The following TRPM4 variants were observed in gnomAD, a reference collection of about 807,000 sequenced individuals.
TRPM4 encodes the protein calcium-activated non-selective cation channel 1.
A neutral mutation model predicts 135.6 loss-of-function variants in TRPM4; 124 were observed. The ratio of observed to expected loss-of-function variants is 0.91; its 90% CI spans 0.79 to 1.06. The LOEUF (loss-of-function observed/expected upper bound fraction) is 1.06, where lower values mean the gene tolerates loss of function less well. TRPM4 is among the 50% of genes least tolerant of loss of function. The pLI, the probability that TRPM4 is intolerant of heterozygous loss-of-function variation, is 0.00. For synonymous variants in TRPM4, 745 were observed against 705.6 expected, an observed-to-expected ratio of 1.06 and a Z score of -0.88; for missense variants, 1,658 against 1,671.4, an observed-to-expected ratio of 0.99 and a Z score of 0.14.
intron 9 of TRPM4, among the ~76,000 whole-genome samples, chr19:49,173,310 T>C (rs1374728342): frequency 6.6e-6 from 1 of 151,752 alleles, no homozygotes; most frequent in Non-Finnish European, 1.5e-5. Flanking sequence ...TTCCATCCGC[T>C]CATTCCTCCA....
chr19:49,203,578 C>T (rs539571459), intron 20 of TRPM4, among the ~76,000 whole-genome samples: 1 of 152,292 alleles, frequency 6.6e-6, no homozygotes, highest in African/African-American at 2.4e-5. Context: ...CGTTCTATCA[C>T]CCAGAACAGA....
In TRPM4 at chr19:49,190,203, C is replaced by G. The variant is rs536657204; in HGVS notation, c.2020-5C>G. On this transcript the variant is annotated splice_region_variant and splice_polypyrimidine_tract_variant and intron_variant, in intron 14 of 24. Transcript: ENST00000252826. ...TTGGATCCTAATCCTTCCCACCCCC[C>G]ACAGTCTCTGCTGACACAGAAGTGG... The G allele has an allele frequency of 3.7e-6, 6 of 1,613,280 alleles. No homozygotes were observed. The Admixed American group carries it at 6.7e-5, about 18-fold the overall frequency.
intron 20 of TRPM4, among the ~76,000 whole-genome samples, chr19:49,204,639 C>A (rs1969075799): frequency 6.6e-6 from 1 of 152,120 alleles, no homozygotes; most frequent in South Asian, 2.1e-4. Context: ...AAGTGATCCT[C>A]CCACCTCAGC....
chr19:49,167,659 G>A (rs1287481709), intron 3 of TRPM4: 5 of 326,626 alleles, frequency 1.5e-5, no homozygotes, highest in Non-Finnish European at 1.1e-5. Context: ...CTGGGTCTCT[G>A]TCCCATGTCT....
rs999572673 is a variant in TRPM4 at position 49,157,879 on chromosome 19, G to C, written c.13G>C (p.Glu5Gln). 5.2e-6 allele frequency: 8 copies of C among 1,535,092 alleles called. No individual in the cohort carries two copies. The highest frequency in any genetic ancestry group is 6.1e-6 in the Non-Finnish European group (7 of 1,146,456). Residue 5 changes from glutamate to glutamine, a missense_variant, in exon 1 of 25, where the codon GAG (glutamate) becomes CAG (glutamine). This residue lies in a region of TRPM4 where 239 missense variants were observed against 240.1 expected (regional missense o/e 1.00). Coordinates refer to ENST00000252826, the MANE Select transcript of TRPM4 (RefSeq NM_017636.4). MVVP[E>Q]KEQSWIPKIF... ...CGGCCGCGGCAGCATGGTGGTGCCGGAGAAGGAGCAGGTGAGCGCCGGACC... is the reference window on the plus strand; with the variant it reads ...CGGCCGCGGCAGCATGGTGGTGCCGCAGAAGGAGCAGGTGAGCGCCGGACC...
rs771575551 is a variant in TRPM4 at position 49,201,949 on chromosome 19, T to A, written c.2954-15T>A. ...CTGTCCCCCTCACCCCATCTCTGAA[T>A]GTCTCTCTTCACAGTGGCCCTCATG... On this transcript the variant is annotated splice_polypyrimidine_tract_variant and intron_variant, in intron 19 of 24. Coordinates refer to ENST00000252826, the MANE Select transcript of TRPM4 (RefSeq NM_017636.4). 8 of 1,612,988 alleles carry A rather than the reference T, an allele frequency of 5.0e-6. No homozygotes were observed. Among genetic ancestry groups the A allele is most frequent in the Non-Finnish European group, 6.8e-6 (8 of 1,179,962 alleles).
At chr19:49,186,531 T>G (rs1471412364) in intron 12 of TRPM4, among the ~76,000 whole-genome samples, 1 of 152,216 alleles carries the variant, frequency 6.6e-6, no homozygotes, top group Admixed American at 6.5e-5. Flanking sequence ...CTGCCTCTAC[T>G]GTGAGTCCTT....
At chr19:49,193,838 T>G (rs1037344960) in intron 16 of TRPM4, among the ~76,000 whole-genome samples, 30 of 152,062 alleles carry the variant, frequency 2.0e-4, no homozygotes, top group African/African-American at 7.2e-4. Context: ...TAGCTTTCAC[T>G]ATTCTCCTCC....
intron 9 of TRPM4, among the ~76,000 whole-genome samples, chr19:49,178,281 C>T (rs952851374): frequency 3.3e-5 from 5 of 152,072 alleles, no homozygotes; most frequent in Admixed American, 1.3e-4. Context: ...GCTGTGATGG[C>T]GCCACTGCAC....
At chr19:49,188,915 C>G (rs779029090) in intron 13 of TRPM4, 31 bp from the exon 14 acceptor site, 2 of 1,614,004 alleles carry the variant, frequency 1.2e-6, no homozygotes, top group Non-Finnish European at 8.5e-7. Context: ...TCCTTCCCAT[C>G]CCTGTCACAT....
chr19:49,202,282 A>C, intron 20 of TRPM4, 141 bp downstream of exon 20: 15 of 959,056 alleles, frequency 1.6e-5, no homozygotes, highest in Non-Finnish European at 2.3e-5. Context: ...CCCAAACCCA[A>C]CCAGACCCTG....
In TRPM4 at chr19:49,210,654, A is replaced by C. The variant is rs1969320693; in HGVS notation, c.3329-56A>C. 2 of 1,613,318 alleles carry C rather than the reference A, an allele frequency of 1.2e-6. No individual in the cohort carries two copies. The highest frequency in any genetic ancestry group is 1.7e-5 in the Admixed American group (1 of 59,996). ...GTGTTCTGAGGGTGTCGGAAGGGGC[A>C]GCTGGGATTGGGAAGGGGCGTGGCC... On this transcript the variant is annotated intron_variant, in intron 21 of 24. Coordinates refer to ENST00000252826, the MANE Select transcript of TRPM4 (RefSeq NM_017636.4). This position sits in a 1 kb window ranked among gnomAD's most constrained non-coding sequence, Gnocchi z 4.1.
intron 16 of TRPM4, among the ~76,000 whole-genome samples, chr19:49,194,688 TCTTC>T (rs1357699960): frequency 3.3e-5 from 4 of 119,724 alleles, no homozygotes; most frequent in East Asian, 5.2e-4. Flanking sequence ...TTCCTTCTTT[TCTTC>T]CTTCCTTCCT....
chr19:49,158,899 A>G (rs1157694556), intron 2 of TRPM4: 1 of 152,000 alleles, frequency 6.6e-6, no homozygotes, highest in South Asian at 2.1e-4. Context: ...GGAGGTGGCA[A>G]TTATTACCGC....
At position 49,210,446 on chromosome 19, in the gene TRPM4, A is replaced by C; in HGVS notation, c.3328+41A>C. On this transcript the variant is annotated intron_variant, in intron 21 of 24. Transcript: ENST00000252826. The surrounding 1 kb of genome is among the most constrained non-coding windows in gnomAD (Gnocchi z 4.1). ...GGCTTAAAAAGGAGAAATATAGGGGACCGGGAGCCTGGAAGGCGAGGGGAA... is the reference window on the plus strand; with the variant it reads ...GGCTTAAAAAGGAGAAATATAGGGGCCCGGGAGCCTGGAAGGCGAGGGGAA... The C allele has an allele frequency of 6.2e-7, 1 of 1,602,514 alleles. No individual in the cohort carries two copies.
Position 49,200,330 on chromosome 19 carries a change from C to A in TRPM4, c.2676C>A (p.Arg892=), listed in dbSNP as rs1354436504. The A allele has an allele frequency of 6.2e-7, 1 of 1,614,164 alleles. No individual in the cohort carries two copies. The highest frequency in any genetic ancestry group is 8.5e-7 in the Non-Finnish European group (1 of 1,180,030). ...CCCCGGGTTTGTACCACCTGGGCCG[C>A]ACTGTCCTCTGCATCGACTTCATGG... ...RLTPGLYHLG[R]TVLCIDFMVF... is the part of the protein sequence containing the mutation. The change falls in exon 18 of 25, where the codon CGC becomes CGA. Residue 892 remains arginine, a synonymous_variant. Transcript: ENST00000252826.
At chr19:49,208,004 C>T (rs1249867786) in intron 20 of TRPM4, among the ~76,000 whole-genome samples, 3 of 152,136 alleles carry the variant, frequency 2.0e-5, no homozygotes, top group South Asian at 4.1e-4. Flanking sequence ...GATAAGGTCA[C>T]GTGAGTCACA....
chr19:49,183,155 G>GCTT lies in TRPM4; in HGVS notation c.1690_1692dup (p.Leu564dup), dbSNP rs772690187. The GCTT allele has an allele frequency of 1.5e-4, 237 of 1,614,120 alleles. No homozygotes were observed. Among genetic ancestry groups the GCTT allele is most frequent in the Middle Eastern group, 6.7e-4 (4 of 5,990 alleles). Reference sequence around the variant, plus strand: ...TCGGGCAGGCCCCCTGGAGCGACCTGCTTCTTTGGGCACTGTTGCTGAACA... The same window carrying GCTT: ...TCGGGCAGGCCCCCTGGAGCGACCTGCTTCTTCTTTGGGCACTGTTGCTGAACA... On this transcript the variant is annotated inframe_insertion, in exon 12 of 25. Transcript: ENST00000252826.
chr19:49,211,195 T>A lies in TRPM4; in HGVS notation c.3566T>A (p.Val1189Glu), dbSNP rs1157389825. 3 of 1,602,668 alleles carry A rather than the reference T, an allele frequency of 1.9e-6. No individual in the cohort carries two copies. The highest frequency in any genetic ancestry group is 2.6e-6 in the Non-Finnish European group (3 of 1,175,434). Residue 1189 changes from valine to glutamate, a missense_variant, in exon 24 of 25, where the codon GTG becomes GAG. By Grantham distance (121) the Val-to-Glu change is moderately radical (BLOSUM62 -2). Transcript: ENST00000252826. This position sits in a 1 kb window ranked among gnomAD's most constrained non-coding sequence, Gnocchi z 4.8. ...CAGTGTAGCCGCGTCCTGGGGTGGGTGGCCGAGGCCCTGAGCCGCTCTGCC... is the reference window on the plus strand; with the variant it reads ...CAGTGTAGCCGCGTCCTGGGGTGGGAGGCCGAGGCCCTGAGCCGCTCTGCC... ...VQQCSRVLGW[V>E]AEALSRSALL...
Sources: allele counts gnomAD v4.1 joint callset (sites outside exome capture counted in the v4.1 genomes callset), GRCh38; gene constraint gnomAD v4.1.1; regional missense constraint gnomAD v4.1.1; non-coding constraint Gnocchi (gnomAD v3.1); transcripts MANE v1.5; gene names NCBI Gene and HGNC (gene_info 2026-07-23, HGNC 2026-07-21).